The following CBX2 variants were observed in gnomAD, a reference collection of about 807,000 sequenced individuals.
The protein encoded by CBX2 is chromobox 2, also known as chromobox protein homolog 2.
A neutral mutation model predicts 21.0 loss-of-function variants in CBX2; 11 were observed. That is an observed-to-expected ratio of 0.52 (90% CI 0.33 to 0.87). CBX2 has a LOEUF of 0.87. CBX2 is among the 40% of genes least tolerant of loss of function. The pLI, the probability that CBX2 is intolerant of heterozygous loss-of-function variation, is 0.02. For missense variants in CBX2, 746 were observed against 724.3 expected, an observed-to-expected ratio of 1.03 and a Z score of -0.34; for synonymous variants, 364 against 304.6, an observed-to-expected ratio of 1.19 and a Z score of -2.03.
Position 79,781,710 on chromosome 17 carries a change from A to G in CBX2, c.197A>G (p.Glu66Gly). 6.2e-7 allele frequency: 1 copy of G among 1,613,922 alleles called. No individual in the cohort carries two copies. Among genetic ancestry groups the G allele is most frequent in the South Asian group, 1.1e-5 (1 of 91,078 alleles). ...TGTGCCTTCAGGGAACATGAGAAGG[A>G]GGTGCAGAACCGGAAGAGAGGCAAG... ...LAFQKKEHEKEVQNRKRGKRP... is the reference protein window; with the variant it reads ...LAFQKKEHEKGVQNRKRGKRP... The change falls in exon 4 of 5, where the codon GAG becomes GGG. Residue 66 changes from glutamate (E) to glycine (G), a missense_variant. By Grantham distance (98) the Glu-to-Gly change is moderately conservative (BLOSUM62 -2). Transcript: ENST00000310942.
Position 79,784,580 on chromosome 17 carries a change from G to T in CBX2, c.1137G>T (p.Lys379Asn), listed in dbSNP as rs1555831282. The T allele has an allele frequency of 6.2e-7, 1 of 1,612,564 alleles. No individual in the cohort carries two copies. Among genetic ancestry groups the T allele is most frequent in the African/African-American group, 1.3e-5 (1 of 74,942 alleles). ...TTGCCCGCCACGCCACCGCCACCAAGGGTGTCCCGGCCACCAACCCAGCCC... is the reference window on the plus strand; with the variant it reads ...TTGCCCGCCACGCCACCGCCACCAATGGTGTCCCGGCCACCAACCCAGCCC... ...GLLARHATAT[K>N]GVPATNPAPG... Residue 379 changes from lysine (K) to asparagine (N), a missense_variant, in exon 5 of 5, where the codon AAG becomes AAT. Transcript: ENST00000310942. The surrounding 1 kb of genome is among the most constrained non-coding windows in gnomAD (Gnocchi z 5.9).
chr17:79,781,878 TG>T (rs1555830386), intron 4 of CBX2, 77 bp downstream of exon 4: 1 of 1,614,080 alleles, frequency 6.2e-7, no homozygotes, highest in Admixed American at 1.7e-5. Flanking sequence ...AGGGAGGGTT[TG>T]GGGCCCTCAG....
rs782233772 is a variant in CBX2, at chr17:79,784,753, C to T, written c.1310C>T (p.Pro437Leu). The T allele has an allele frequency of 3.7e-6, 6 of 1,611,048 alleles. No individual in the cohort carries two copies. In the Admixed American group the frequency reaches 1.0e-4, roughly 27 times the overall value. ...KRDCVKGSAT[P>L]SGQESRTAPG... ...GACTGTGTCAAGGGCAGTGCTACCC[C>T]CAGTGGGCAGGAGAGCCGCACAGCC... is the stretch of plus-strand genomic sequence containing the variant. Residue 437 changes from proline (P) to leucine (L), a missense_variant, in exon 5 of 5, where the codon CCC becomes CTC. Physicochemically the swap from Pro to Leu is moderately conservative, Grantham distance 98. Around this residue, in one of 2 missense-constraint regions of CBX2, gnomAD observed 701 missense variants for 650.7 expected, o/e 1.08. Coordinates refer to ENST00000310942, the MANE Select transcript of CBX2 (RefSeq NM_005189.3). The surrounding 1 kb of genome is among the most constrained non-coding windows in gnomAD (Gnocchi z 5.9).
chr17:79,785,047 C>A lies in CBX2; in HGVS notation c.*5C>A. 3 of 1,597,424 alleles carry A rather than the reference C, an allele frequency of 1.9e-6. No individual in the cohort carries two copies. The highest frequency in any genetic ancestry group is 2.5e-6 in the Non-Finnish European group (3 of 1,178,046). On this transcript the variant is annotated 3_prime_UTR_variant, in exon 5 of 5. Transcript: ENST00000310942. Reference sequence around the variant, plus strand: ...TTCAACCTGAGGCATTACTGAAGCCCCGGCGCCACCAGCTGCGCGGTCTTA... The same window carrying A: ...TTCAACCTGAGGCATTACTGAAGCCACGGCGCCACCAGCTGCGCGGTCTTA...
rs781831874 is a variant in CBX2 at position 79,779,451 on chromosome 17, G to A, written c.182+24G>A. On this transcript the variant is annotated intron_variant, in intron 3 of 4. Transcript: ENST00000310942. Reference sequence around the variant, plus strand: ...AAGTGAGGACGCTGACAGCACTGGGGAGGGTGTGGGGGAGGGACGGTGGCT... The same window carrying A: ...AAGTGAGGACGCTGACAGCACTGGGAAGGGTGTGGGGGAGGGACGGTGGCT... The A allele has an allele frequency of 3.3e-5, 53 of 1,608,272 alleles. No homozygotes were observed. The Admixed American group carries it at 8.8e-4, about 27-fold the overall frequency.
Position 79,784,584 on chromosome 17 carries a change from G to C in CBX2, c.1141G>C (p.Val381Leu), listed in dbSNP as rs782195810. ...LARHATATKG[V>L]PATNPAPGKG... ...CCGCCACGCCACCGCCACCAAGGGT[G>C]TCCCGGCCACCAACCCAGCCCCTGG... The change falls in exon 5 of 5, where the codon GTC (valine) becomes CTC (leucine). Residue 381 changes from valine to leucine, a missense_variant. Physicochemically the swap from Val to Leu is conservative, Grantham distance 32. This residue lies in a region of CBX2 where 701 missense variants were observed against 650.7 expected (regional missense o/e 1.08). Transcript: ENST00000310942. The surrounding 1 kb of genome is among the most constrained non-coding windows in gnomAD (Gnocchi z 5.9). 6.2e-7 allele frequency: 1 copy of C among 1,612,682 alleles called. No homozygotes were observed. Among genetic ancestry groups the C allele is most frequent in the South Asian group, 1.1e-5 (1 of 91,080 alleles).
At position 79,778,209 on chromosome 17, in the gene CBX2, C is replaced by T. The variant is rs1423949482; in HGVS notation, c.-27C>T. ...CCGGGCGGGTGACTGGCGGCGGGCG[C>T]CGCGGTCGGGCTGGCTGCCGGGCAG... On this transcript the variant is annotated 5_prime_UTR_variant, in exon 1 of 5. Transcript: ENST00000310942. The surrounding 1 kb of genome is among the most constrained non-coding windows in gnomAD (Gnocchi z 4.8). 244 of 1,304,230 alleles carry T rather than the reference C, an allele frequency of 1.9e-4. No individual in the cohort carries two copies. Among genetic ancestry groups the T allele is most frequent in the Non-Finnish European group, 2.2e-4 (229 of 1,026,266 alleles). 80.8% of individuals were successfully genotyped at this position (1,304,230 alleles called of 1,614,324 possible).
chr17:79,783,721 T>C lies in CBX2; in HGVS notation c.289-11T>C. The stretch of plus-strand genomic sequence containing the variant: ...CACTGCACCCAGCCAACTTCTCCTT[T>C]ATCTTTCCAGGAACCCGATGCTCCC... On this transcript the variant is annotated splice_polypyrimidine_tract_variant and intron_variant, in intron 4 of 4. Coordinates refer to ENST00000310942, the MANE Select transcript of CBX2 (RefSeq NM_005189.3). 1 of 1,551,412 alleles carries C rather than the reference T, an allele frequency of 6.4e-7. No homozygotes were observed. The highest frequency in any genetic ancestry group is 8.7e-7 in the Non-Finnish European group (1 of 1,146,734).
chr17:79,781,351 G>A (rs1056463692), intron 3 of CBX2, among the ~76,000 whole-genome samples: 3 of 152,100 alleles, frequency 2.0e-5, no homozygotes, highest in African/African-American at 2.4e-5. Flanking sequence ...GGACCGTGTG[G>A]CCACCGAGGC....
At chr17:79,782,141 G>A (rs373038811) in intron 4 of CBX2, 40 of 1,612,770 alleles carry the variant, frequency 2.5e-5, no homozygotes, top group Admixed American at 1.7e-4. Flanking sequence ...GGAAGCATGC[G>A]TACAGTAGGT....
At chr17:79,782,201 G>A (rs1355115011) in intron 4 of CBX2, 11 of 1,609,718 alleles carry the variant, frequency 6.8e-6, no homozygotes, top group Middle Eastern at 1.7e-4. Flanking sequence ...AGATTTGGGG[G>A]CTACTCCGGG....
rs1907444567 is a variant in CBX2 at position 79,784,143 on chromosome 17, C to G, written c.700C>G (p.Leu234Val). 2 of 1,612,306 alleles carry G rather than the reference C, an allele frequency of 1.2e-6. No individual in the cohort carries two copies. Among genetic ancestry groups the G allele is most frequent in the Non-Finnish European group, 1.7e-6 (2 of 1,179,772 alleles). Residue 234 changes from leucine to valine, a missense_variant, in exon 5 of 5, where the codon CTG (leucine) becomes GTG (valine). Physicochemically the swap from Leu to Val is conservative, Grantham distance 32. This residue lies in a region of CBX2 where 701 missense variants were observed against 650.7 expected (regional missense o/e 1.08). Coordinates refer to ENST00000310942, the MANE Select transcript of CBX2 (RefSeq NM_005189.3). This position sits in a 1 kb window ranked among gnomAD's most constrained non-coding sequence, Gnocchi z 5.9. ...GPSAMATPEN[L>V]ASLMKGMASS... Reference sequence around the variant, plus strand: ...CAGTGCCATGGCCACCCCAGAGAACCTGGCCAGCCTAATGAAGGGCATGGC... The same window carrying G: ...CAGTGCCATGGCCACCCCAGAGAACGTGGCCAGCCTAATGAAGGGCATGGC...
chr17:79,782,844 G>C (rs1222787616), intron 4 of CBX2, among the ~76,000 whole-genome samples: 3 of 152,166 alleles, frequency 2.0e-5, no homozygotes, highest in African/African-American at 7.2e-5. Context: ...ACACGCTGTA[G>C]AATTCTGACC....
At position 79,778,316 on chromosome 17, in the gene CBX2, G is replaced by T; in HGVS notation, c.72+9G>T. On this transcript the variant is annotated intron_variant, in intron 1 of 4. Transcript: ENST00000310942. The surrounding 1 kb of genome is among the most constrained non-coding windows in gnomAD (Gnocchi z 4.8). ...GCAAGCGGCTCCGCAAGGTGCGTGC[G>T]GCCCGCCGGGCCCCCCGCCCGCCGC... 1 of 1,560,914 alleles carries T rather than the reference G, an allele frequency of 6.4e-7. No individual in the cohort carries two copies.
Position 79,781,741 on chromosome 17 carries a change from G to A in CBX2, c.228G>A (p.Pro76=), listed in dbSNP as rs572255269. 74 of 1,614,080 alleles carry A rather than the reference G, an allele frequency of 4.6e-5. No individual in the cohort carries two copies. The highest frequency in any genetic ancestry group is 2.1e-4 in the South Asian group (19 of 91,088). The change falls in exon 4 of 5, where the codon CCG becomes CCA. Residue 76 remains proline, a synonymous_variant. Transcript: ENST00000310942. ...EVQNRKRGKR[P]RGRPRKLTAM... is the part of the protein sequence containing the mutation. ...AGAACCGGAAGAGAGGCAAGAGGCC[G>A]AGAGGCCGGCCAAGGAAGCTCACTG...
In CBX2 at chr17:79,781,061, C is replaced by CG. The variant is rs35868794; in HGVS notation, c.183-627dup. Among the ~76,000 whole-genome samples the CG allele has an allele frequency of 3.5e-3, 522 of 149,236 alleles. 3 individuals are homozygous for CG. Among genetic ancestry groups the CG allele is most frequent in the African/African-American group, 9.1e-3 (368 of 40,382 alleles). Reference sequence around the variant, plus strand: ...GGAGGTGTGGAGGCTCTTCTGGGGGCGGGGGGGGTACTGCGAGTGGTGCGT... The same window carrying CG: ...GGAGGTGTGGAGGCTCTTCTGGGGGCGGGGGGGGGTACTGCGAGTGGTGCGT... On this transcript the variant is annotated intron_variant, in intron 3 of 4. Coordinates refer to ENST00000310942, the MANE Select transcript of CBX2 (RefSeq NM_005189.3).
intron 3 of CBX2, among the ~76,000 whole-genome samples, chr17:79,780,092 TGAG>T (rs1365155543): frequency 2.6e-4 from 39 of 152,164 alleles, no homozygotes; most frequent in Admixed American, 5.9e-4. Context: ...CAAGGGGTGG[TGAG>T]GAGAGGGCAG....
intron 3 of CBX2, 163 bp downstream of exon 3, chr17:79,779,590 G>T: frequency 1.5e-6 from 1 of 665,126 alleles, no homozygotes; most frequent in Non-Finnish European, 2.7e-6. Context: ...GGCTGTAAAA[G>T]TCCCCAGCCA....
In CBX2 at chr17:79,784,459, G is replaced by T. The variant is rs1555831233; in HGVS notation, c.1016G>T (p.Gly339Val). ...CATGGTGCCAGCAGGGTGCCTGCTGGGTGCCCAGGCCCCCAGCCAGCACCC... is the reference window on the plus strand; with the variant it reads ...CATGGTGCCAGCAGGGTGCCTGCTGTGTGCCCAGGCCCCCAGCCAGCACCC... ...HTHGASRVPA[G>V]CPGPQPAPTQ... is the part of the protein sequence containing the mutation. The change falls in exon 5 of 5, where the codon GGG (glycine) becomes GTG (valine). Residue 339 changes from glycine to valine, a missense_variant. Gly to Val is a moderately radical substitution (Grantham distance 109). Around this residue, in one of 2 missense-constraint regions of CBX2, gnomAD observed 701 missense variants for 650.7 expected, o/e 1.08. Coordinates refer to ENST00000310942, the MANE Select transcript of CBX2 (RefSeq NM_005189.3). This position sits in a 1 kb window ranked among gnomAD's most constrained non-coding sequence, Gnocchi z 5.9. The T allele has an allele frequency of 1.9e-6, 3 of 1,612,078 alleles. No homozygotes were observed. In the South Asian group the frequency reaches 3.3e-5, roughly 18 times the overall value.
Sources: allele counts gnomAD v4.1 joint callset (sites outside exome capture counted in the v4.1 genomes callset), GRCh38; gene constraint gnomAD v4.1.1; regional missense constraint gnomAD v4.1.1; non-coding constraint Gnocchi (gnomAD v3.1); transcripts MANE v1.5; gene names NCBI Gene and HGNC (gene_info 2026-07-23, HGNC 2026-07-21).